Variants in ZFHX3 observed in about 807,000 individuals in gnomAD.
ZFHX3 encodes zinc finger homeobox 3.
In ZFHX3, 42 loss-of-function variants were observed where a neutral mutation model predicts 279.1. The ratio of observed to expected loss-of-function variants is 0.15; its 90% CI spans 0.12 to 0.19. The LOEUF is 0.19. ZFHX3 is among the 10% of genes least tolerant of loss of function. The pLI is 1.00. For missense variants in ZFHX3, 4,981 were observed against 4,754.0 expected (o/e 1.05, Z -1.40); for synonymous variants, 2,293 against 1,957.8 (o/e 1.17, Z -4.52).
In ZFHX3 at chr16:73,374,305, C is replaced by T. The variant is rs2143347957; in HGVS notation, c.-1290-55969G>A. 1.3e-5 allele frequency among the ~76,000 whole-genome samples: 2 copies of T among 151,782 alleles called. 1 individual carries two copies. The highest frequency in any genetic ancestry group is 4.2e-4 in the South Asian group (2 of 4,794). Reference sequence around the variant, plus strand: ...TTTTGTTACAGAAAATAACAAACCTCCATGTATTCACTGCTTAGCTTCAAC... The same window carrying T: ...TTTTGTTACAGAAAATAACAAACCTTCATGTATTCACTGCTTAGCTTCAAC... On this transcript the variant is annotated intron_variant, in intron 3 of 17. Coordinates refer to the ZFHX3 transcript ENST00000641206.
At chr16:72,884,214 T>G (rs2038566801) in intron 4 of ZFHX3, among the ~76,000 whole-genome samples, 1 of 152,090 alleles carries the variant, frequency 6.6e-6, no homozygotes. Flanking sequence ...GGCCAGTGAG[T>G]GTTGCAGTAA....
intron 3 of ZFHX3, among the ~76,000 whole-genome samples, chr16:73,447,927 T>C (rs866072816): frequency 3.3e-5 from 5 of 152,102 alleles, no homozygotes; most frequent in African/African-American, 9.7e-5. Flanking sequence ...CTTAAAAGCA[T>C]TGAGGAGTTG....
At chr16:73,128,986 C>CA (rs1966623419) in intron 7 of ZFHX3, among the ~76,000 whole-genome samples, 1 of 152,168 alleles carries the variant, frequency 6.6e-6, no homozygotes, top group African/African-American at 2.4e-5. Flanking sequence ...TTACACTGAG[C>CA]AAGTGCCTAC....
At chr16:73,120,649 CCTTTTT>C (rs1275219569) in intron 7 of ZFHX3, among the ~76,000 whole-genome samples, 1 of 106,202 alleles carries the variant, frequency 9.4e-6, no homozygotes, top group Non-Finnish European at 2.0e-5. Flanking sequence ...ATCCTCTCTA[CCTTTTT>C]TTTTTTTTTT....
intron 3 of ZFHX3, among the ~76,000 whole-genome samples, chr16:72,904,386 A>C (rs967710796): frequency 2.1e-5 from 3 of 141,386 alleles, no homozygotes; most frequent in Non-Finnish European, 4.5e-5. Context: ...AAATAAATAA[A>C]TAAATAAATA....
At chr16:73,283,777 C>G (rs757684243) in intron 4 of ZFHX3, among the ~76,000 whole-genome samples, 1 of 152,108 alleles carries the variant, frequency 6.6e-6, no homozygotes, top group Non-Finnish European at 1.5e-5. Context: ...GACATTATCT[C>G]TACTAAAAGT....
chr16:73,528,535 AT>A (rs1162612947), intron 2 of ZFHX3, among the ~76,000 whole-genome samples: 2 of 152,210 alleles, frequency 1.3e-5, no homozygotes, highest in Admixed American at 6.5e-5. Context: ...GTGGACACTA[AT>A]TACTGAAATC....
intron 8 of ZFHX3, among the ~76,000 whole-genome samples, chr16:73,085,953 A>C (rs1020676088): frequency 6.7e-6 from 1 of 150,290 alleles, no homozygotes; most frequent in African/African-American, 2.5e-5. Context: ...ATCAGTAACC[A>C]GAATATATAA....
intron 3 of ZFHX3, among the ~76,000 whole-genome samples, chr16:73,399,767 G>C (rs1033545384): frequency 6.6e-6 from 1 of 152,100 alleles, no homozygotes. Flanking sequence ...AGATGTAGCT[G>C]TCTGGATATA....
chr16:73,753,785 G>T (rs372033631), intron 1 of ZFHX3, among the ~76,000 whole-genome samples: 1 of 148,506 alleles, frequency 6.7e-6, no homozygotes. Flanking sequence ...TCAATAAGGT[G>T]TTTTTTTTTT....
At chr16:73,369,900 A>G (rs1234146303) in intron 3 of ZFHX3, among the ~76,000 whole-genome samples, 1 of 152,070 alleles carries the variant, frequency 6.6e-6, no homozygotes, top group African/African-American at 2.4e-5. Context: ...CGAAGAGCCA[A>G]TCTTTTGAAA....
At chr16:72,871,488 C>T (rs552323768) in intron 4 of ZFHX3, among the ~76,000 whole-genome samples, 3 of 151,844 alleles carry the variant, frequency 2.0e-5, no homozygotes, top group African/African-American at 7.2e-5. Flanking sequence ...ATTACAAGCA[C>T]GCGCCACCAC....
At chr16:72,989,841 G>A (rs1189340886) in intron 1 of ZFHX3, among the ~76,000 whole-genome samples, 2 of 152,238 alleles carry the variant, frequency 1.3e-5, no homozygotes, top group African/African-American at 4.8e-5. Context: ...AGAGTTATAT[G>A]TGGGGAAGTG....
At chr16:72,835,583 C>T (rs189769369) in intron 4 of ZFHX3, among the ~76,000 whole-genome samples, 1 of 152,166 alleles carries the variant, frequency 6.6e-6, no homozygotes, top group Admixed American at 6.5e-5. Flanking sequence ...CATTTTCAAC[C>T]TAATTAACCC....
chr16:73,642,800 G>A (rs891251006), intron 2 of ZFHX3, among the ~76,000 whole-genome samples: 4 of 152,166 alleles, frequency 2.6e-5, no homozygotes, highest in Non-Finnish European at 5.9e-5. Flanking sequence ...TGCCTCTAAA[G>A]GTTATTCAAG....
At position 72,914,426 on chromosome 16, in the gene ZFHX3, G is replaced by C. The variant is rs148123988; in HGVS notation, c.3217-24464C>G. On this transcript the variant is annotated intron_variant, in intron 3 of 9. Transcript: ENST00000268489. ...CCTATCTACTACAGACACAAACTTG[G>C]AACTGTCTCCAAAAACATTTAGAGT... is the stretch of plus-strand genomic sequence containing the variant. Among the ~76,000 whole-genome samples the C allele has an allele frequency of 2.1e-3, 327 of 152,188 alleles. 2 individuals are homozygous for C. The highest frequency in any genetic ancestry group is 6.6e-3 in the African/African-American group (274 of 41,530).
chr16:73,264,167 C>G (rs768767998), intron 4 of ZFHX3, among the ~76,000 whole-genome samples: 3 of 151,970 alleles, frequency 2.0e-5, no homozygotes, highest in Non-Finnish European at 4.4e-5. Flanking sequence ...ACTCTATCTG[C>G]GGGGAAAAAA....
At chr16:73,672,587 A>G (rs906296953) in intron 2 of ZFHX3, among the ~76,000 whole-genome samples, 1 of 152,206 alleles carries the variant, frequency 6.6e-6, no homozygotes, top group African/African-American at 2.4e-5. Context: ...GAAACTGAGC[A>G]TCATAAAAAA....
At chr16:73,264,588 G>A (rs1323756227) in intron 4 of ZFHX3, among the ~76,000 whole-genome samples, 80 of 149,990 alleles carry the variant, frequency 5.3e-4, no homozygotes, top group Admixed American at 5.3e-3. Flanking sequence ...TTTTTTTTTA[G>A]TTTTTTATTT....
Sources: allele counts gnomAD v4.1 joint callset (sites outside exome capture counted in the v4.1 genomes callset), GRCh38; gene constraint gnomAD v4.1.1; transcripts MANE v1.5; gene names NCBI Gene and HGNC (gene_info 2026-07-23, HGNC 2026-07-21).